Variants in STK10 observed in about 807,000 individuals in gnomAD.
STK10 encodes the protein serine/threonine kinase 10, also known as serine/threonine-protein kinase 10.
STK10 carries 78 observed loss-of-function variants against 113.8 expected under a neutral mutation model. That is an observed-to-expected ratio of 0.69 (90% CI 0.57 to 0.83). The LOEUF (loss-of-function observed/expected upper bound fraction) is 0.83, where lower values mean the gene tolerates loss of function less well. STK10 is among the 40% of genes least tolerant of loss of function. The pLI, the probability that STK10 is intolerant of heterozygous loss-of-function variation, is 0.00. For missense variants in STK10, 1,109 were observed against 1,280.1 expected, an observed-to-expected ratio of 0.87 and a Z score of 2.04; for synonymous variants, 465 against 494.7, an observed-to-expected ratio of 0.94 and a Z score of 0.80.
intron 2 of STK10, among the ~76,000 whole-genome samples, chr5:172,137,726 A>AC (rs1769893172): frequency 1.1e-5 from 1 of 91,920 alleles, no homozygotes; most frequent in African/African-American, 3.4e-5. Flanking sequence ...TAAAAATACA[A>AC]AAAAAAAAAA....
intron 1 of STK10, among the ~76,000 whole-genome samples, chr5:172,160,340 T>G (rs777469698): frequency 6.6e-6 from 1 of 151,728 alleles, no homozygotes; most frequent in Non-Finnish European, 1.5e-5. Context: ...CCAAGTGTGG[T>G]GGCACATGCC....
rs558756612 is a variant in STK10 at position 172,065,869 on chromosome 5, GA to G, written c.1990-1058del. On this transcript the variant is annotated intron_variant, in intron 12 of 18. Transcript: ENST00000176763. ...AAGCAATGTCCAGAGATGAGAAGAA[GA>G]ATCCCTGGCAACACTCCTGCCCTCC... is the stretch of plus-strand genomic sequence containing the variant. Among the ~76,000 whole-genome samples the G allele has an allele frequency of 2.6e-3, 392 of 149,840 alleles. 1 individual carries two copies. The highest frequency in any genetic ancestry group is 0.01 in the Middle Eastern group (3 of 292).
chr5:172,181,549 C>T (rs985464480), intron 1 of STK10, among the ~76,000 whole-genome samples: 10 of 150,420 alleles, frequency 6.6e-5, no homozygotes, highest in African/African-American at 2.5e-4. Flanking sequence ...GTGATACAAT[C>T]TTGGCTCACT....
chr5:172,151,496 G>A (rs796225307), intron 2 of STK10, among the ~76,000 whole-genome samples: 1 of 152,110 alleles, frequency 6.6e-6, no homozygotes, highest in South Asian at 2.1e-4. Flanking sequence ...ACAGGCACAC[G>A]CCACCACGCC....
intron 10 of STK10, among the ~76,000 whole-genome samples, chr5:172,084,459 G>A (rs1462374261): frequency 6.6e-6 from 1 of 151,198 alleles, no homozygotes; most frequent in African/African-American, 2.4e-5. Context: ...GTAATCTCTA[G>A]GTAAAAAAAA....
intron 1 of STK10, among the ~76,000 whole-genome samples, chr5:172,165,918 C>T (rs182348350): frequency 1.2e-4 from 19 of 152,234 alleles, no homozygotes; most frequent in Admixed American, 1.1e-3. Context: ...CTCAGCCTCC[C>T]GAGTAGCTGG....
intron 1 of STK10, among the ~76,000 whole-genome samples, chr5:172,178,212 C>T (rs1215130492): frequency 2.0e-5 from 3 of 152,180 alleles, no homozygotes; most frequent in Non-Finnish European, 4.4e-5. Context: ...TACTGGCAAT[C>T]AAGTCAAATT....
chr5:172,171,291 C>T (rs937411606), intron 1 of STK10, among the ~76,000 whole-genome samples: 2 of 152,168 alleles, frequency 1.3e-5, no homozygotes, highest in African/African-American at 4.8e-5. Context: ...CAGCTGTGTG[C>T]CCCTGAGGGG....
chr5:172,087,623 A>ATTTATT lies in STK10; in HGVS notation c.1685+2608_1685+2609insAATAAA, dbSNP rs1462186039. ...ATTTTTTAAATTTATTTACTTATTT[A>ATTTATT]TTTTTTTTTTTTTTTTGAGACGGAG... On this transcript the variant is annotated intron_variant, in intron 10 of 18. Transcript: ENST00000176763. Among the ~76,000 whole-genome samples the ATTTATT allele has an allele frequency of 4.4e-3, 376 of 85,154 alleles. 49 individuals are homozygous for ATTTATT. The highest frequency in any genetic ancestry group is 0.021 in the African/African-American group (365 of 17,184). 55.9% of individuals were successfully genotyped at this position (85,154 alleles called of 152,430 possible). A position where few individuals can be genotyped will look rare whatever the true frequency, so the allele number is the denominator to read the frequency against.
At chr5:172,182,427 C>T (rs1770873924) in intron 1 of STK10, among the ~76,000 whole-genome samples, 1 of 151,864 alleles carries the variant, frequency 6.6e-6, no homozygotes, top group African/African-American at 2.4e-5. Flanking sequence ...GTTGCCCAGG[C>T]TGGAGTGCAG....
At chr5:172,091,951 C>T (rs1246900341) in intron 9 of STK10, among the ~76,000 whole-genome samples, 1 of 152,222 alleles carries the variant, frequency 6.6e-6, no homozygotes, top group African/African-American at 2.4e-5. Context: ...CTATGCTGAG[C>T]TCCACTCCTG....
chr5:172,094,170 T>G (rs1437815705), intron 8 of STK10, among the ~76,000 whole-genome samples: 3 of 152,056 alleles, frequency 2.0e-5, no homozygotes, highest in African/African-American at 4.8e-5. Flanking sequence ...GGCAATCTCC[T>G]CACTATCTCT....
At chr5:172,083,194 G>T in intron 10 of STK10, 110 bp from the exon 11 acceptor site, 1 of 1,437,852 alleles carries the variant, frequency 7.0e-7, no homozygotes, top group Non-Finnish European at 9.5e-7. Flanking sequence ...AATCACACAA[G>T]TCTGGGGCAC....
intron 1 of STK10, among the ~76,000 whole-genome samples, chr5:172,177,992 C>T (rs1281664737): frequency 2.0e-5 from 3 of 152,166 alleles, no homozygotes; most frequent in Admixed American, 6.5e-5. Context: ...CCACACCCAG[C>T]TAATTTTGTA....
In STK10 at chr5:172,156,799, G is replaced by GCA. The variant is rs771566570; in HGVS notation, c.157-12_157-11insTG. Reference sequence around the variant, plus strand: ...CTCCTTATTCTTGGCCTGCAAAGAGGAGATACAGGAGGTCAACAAGGCATG... The same window carrying GCA: ...CTCCTTATTCTTGGCCTGCAAAGAGGCAAGATACAGGAGGTCAACAAGGCATG... On this transcript the variant is annotated splice_polypyrimidine_tract_variant and intron_variant, in intron 1 of 18. Transcript: ENST00000176763. The GCA allele has an allele frequency of 2.5e-6, 4 of 1,608,084 alleles. No homozygotes were observed. The South Asian group carries it at 4.4e-5, about 18-fold the overall frequency.
At chr5:172,182,550 ATTTTTT>A (rs774193068) in intron 1 of STK10, among the ~76,000 whole-genome samples, 4 of 107,522 alleles carry the variant, frequency 3.7e-5, no homozygotes, top group Non-Finnish European at 5.6e-5. Flanking sequence ...TGCCCAGCTC[ATTTTTT>A]TTTTTTTTTT....
At position 172,054,682 on chromosome 5, in the gene STK10, C is replaced by T; in HGVS notation, c.2539G>A (p.Glu847Lys). The T allele has an allele frequency of 1.2e-6, 2 of 1,609,876 alleles. No individual in the cohort carries two copies. Among genetic ancestry groups the T allele is most frequent in the Non-Finnish European group, 1.7e-6 (2 of 1,179,998 alleles). Reference protein sequence around the residue: ...REKIKQFSQQEEKRQKSERLQ... With the variant: ...REKIKQFSQQKEKRQKSERLQ... The stretch of plus-strand genomic sequence containing the variant: ...CGCTCCGACTTCTGCCTCTTCTCCT[C>T]CTGCTGGGAGAACTGCACCAGAGAG... Residue 847 changes from glutamate to lysine, a missense_variant, in exon 17 of 19, where the codon GAG (glutamate) becomes AAG (lysine). Physicochemically the swap from Glu to Lys is moderately conservative, Grantham distance 56. Around this residue, in one of 5 missense-constraint regions of STK10, gnomAD observed 885 missense variants for 991.1 expected, o/e 0.89. Transcript: ENST00000176763.
At chr5:172,065,761 T>C (rs1195137570) in intron 12 of STK10, among the ~76,000 whole-genome samples, 1 of 152,090 alleles carries the variant, frequency 6.6e-6, no homozygotes, top group African/African-American at 2.4e-5. Context: ...CCTCTGGGGT[T>C]GTTAAACTGG....
chr5:172,106,634 G>C lies in STK10; in HGVS notation c.774C>G (p.Leu258=), dbSNP rs755462410. The part of the protein sequence containing the change: ...KIAKSDPPTL[L]TPSKWSVEFR... ...CTGCCCCTCACCACTTAGAGGGCGT[G>C]AGCAGCGTGGGAGGGTCCGACTTGG... The change falls in exon 6 of 19, where the codon CTC becomes CTG. Residue 258 remains leucine, a synonymous_variant. Transcript: ENST00000176763. 7 of 1,612,472 alleles carry C rather than the reference G, an allele frequency of 4.3e-6. No homozygotes were observed. In the African/African-American group the frequency reaches 9.3e-5, roughly 22 times the overall value.
Sources: allele counts gnomAD v4.1 joint callset (sites outside exome capture counted in the v4.1 genomes callset), GRCh38; gene constraint gnomAD v4.1.1; regional missense constraint gnomAD v4.1.1; transcripts MANE v1.5; gene names NCBI Gene and HGNC (gene_info 2026-07-23, HGNC 2026-07-21).